Variants in EFCAB6 observed in about 807,000 individuals in gnomAD.
The protein encoded by EFCAB6 is EF-hand calcium-binding domain-containing protein 6.
EFCAB6 carries 156 observed loss-of-function variants against 169.8 expected under a neutral mutation model. That is an observed-to-expected ratio of 0.92 (90% CI 0.81 to 1.05). The LOEUF (loss-of-function observed/expected upper bound fraction) is 1.05, where lower values mean the gene tolerates loss of function less well. Ranked by LOEUF, EFCAB6 falls within the 50% of genes least tolerant of loss-of-function variation. EFCAB6 has a pLI of 0.00. For missense variants in EFCAB6, 1,800 were observed against 1,829.1 expected, an observed-to-expected ratio of 0.98 and a Z score of 0.29; for synonymous variants, 698 against 676.4, an observed-to-expected ratio of 1.03 and a Z score of -0.50.
chr22:43,618,206 GAAA>G (rs1569257273), intron 20 of EFCAB6, among the ~76,000 whole-genome samples: 1,616 of 142,076 alleles, frequency 0.011, 60 homozygotes, highest in Middle Eastern at 0.026. Context: ...AAGAAAGAAA[GAAA>G]GAAAGAAAGA....
At chr22:43,610,747 T>TA (rs1034803287) in intron 21 of EFCAB6, among the ~76,000 whole-genome samples, 3 of 152,070 alleles carry the variant, frequency 2.0e-5, no homozygotes, top group Non-Finnish European at 4.4e-5. Flanking sequence ...AATTATGCTT[T>TA]AAAAAAAATT....
chr22:43,602,188 A>G (rs1355049016), intron 22 of EFCAB6, among the ~76,000 whole-genome samples: 1 of 152,234 alleles, frequency 6.6e-6, no homozygotes, highest in Non-Finnish European at 1.5e-5. Flanking sequence ...TGCTGAGACC[A>G]TCAGCTCCTT....
At chr22:43,622,644 T>C (rs2147792424) in intron 20 of EFCAB6, among the ~76,000 whole-genome samples, 1 of 152,344 alleles carries the variant, frequency 6.6e-6, no homozygotes, top group East Asian at 1.9e-4. Context: ...TTATGTGGTC[T>C]TAGCGATGTT....
intron 4 of EFCAB6, among the ~76,000 whole-genome samples, chr22:43,767,814 T>C (rs1006484576): frequency 5.0e-5 from 2 of 39,776 alleles, no homozygotes; most frequent in African/African-American, 1.9e-4. Context: ...GTAAAGAAAT[T>C]CTTGCGATGA....
intron 2 of EFCAB6, among the ~76,000 whole-genome samples, chr22:43,788,180 T>A (rs116944938): frequency 6.6e-6 from 1 of 152,286 alleles, no homozygotes; most frequent in East Asian, 1.9e-4. Context: ...GACAATGATA[T>A]CTTAGATATG....
chr22:43,622,975 TA>T (rs2054209221), intron 20 of EFCAB6, among the ~76,000 whole-genome samples: 1 of 152,198 alleles, frequency 6.6e-6, no homozygotes, highest in South Asian at 2.1e-4. Context: ...ATTCCTTCTT[TA>T]TGCCCAAATG....
rs1318938210 is a variant in EFCAB6, at chr22:43,575,459, C to T, written c.3420+838G>A. 4.6e-5 allele frequency among the ~76,000 whole-genome samples: 7 copies of T among 150,606 alleles called. No homozygotes were observed. In the East Asian group the frequency reaches 1.4e-3, roughly 29 times the overall value. On this transcript the variant is annotated intron_variant, in intron 26 of 31. Coordinates refer to ENST00000262726, the MANE Select transcript of EFCAB6 (RefSeq NM_022785.4). ...CTGACCTCAGGTGATCTGCCCACCTCGGCCTCCCAAAGTGCTGGGATTACA... is the reference window on the plus strand; with the variant it reads ...CTGACCTCAGGTGATCTGCCCACCTTGGCCTCCCAAAGTGCTGGGATTACA...
chr22:43,731,735 T>C lies in EFCAB6; in HGVS notation c.721A>G (p.Asn241Asp). ...ATACAATATCTAAGGTTCAAGTCGTTATTTATGCTGAGATTCTTCAAAAAC... is the reference window on the plus strand; with the variant it reads ...ATACAATATCTAAGGTTCAAGTCGTCATTTATGCTGAGATTCTTCAAAAAC... ...NVFLKNLSINNDLNLRYCMGN... is the reference protein window; with the variant it reads ...NVFLKNLSINDDLNLRYCMGN... Residue 241 changes from asparagine to aspartate, a missense_variant, in exon 8 of 32, where the codon AAC (asparagine) becomes GAC (aspartate). Transcript: ENST00000262726. 2.5e-6 allele frequency: 4 copies of C among 1,602,722 alleles called. No homozygotes were observed. The highest frequency in any genetic ancestry group is 3.4e-6 in the Non-Finnish European group (4 of 1,176,084).
chr22:43,653,459 G>C (rs1459679796), intron 17 of EFCAB6, among the ~76,000 whole-genome samples: 1 of 152,182 alleles, frequency 6.6e-6, no homozygotes, highest in Non-Finnish European at 1.5e-5. Context: ...GTTTTTCCCA[G>C]CTAAAATATT....
intron 10 of EFCAB6, among the ~76,000 whole-genome samples, chr22:43,699,354 G>A (rs1272051267): frequency 6.6e-6 from 1 of 152,084 alleles, no homozygotes; most frequent in African/African-American, 2.4e-5. Flanking sequence ...ATCCCCTGAG[G>A]GCAACCCTGT....
intron 2 of EFCAB6, among the ~76,000 whole-genome samples, chr22:43,800,668 G>A (rs1300660853): frequency 6.6e-6 from 1 of 152,158 alleles, no homozygotes; most frequent in African/African-American, 2.4e-5. Flanking sequence ...TCTTGGAACT[G>A]AGAAATACAT....
chr22:43,725,943 A>T (rs1353249924), intron 8 of EFCAB6, among the ~76,000 whole-genome samples: 1 of 152,222 alleles, frequency 6.6e-6, no homozygotes, highest in Non-Finnish European at 1.5e-5. Flanking sequence ...TTTTACGATG[A>T]ATGCAGGATA....
At chr22:43,661,659 A>G (rs1270176946) in intron 17 of EFCAB6, among the ~76,000 whole-genome samples, 13 of 152,182 alleles carry the variant, frequency 8.5e-5, no homozygotes, top group Non-Finnish European at 1.8e-4. Context: ...TGGAAAGCAC[A>G]TGGCCTTCAT....
chr22:43,558,427 T>C (rs1347405641), intron 26 of EFCAB6, among the ~76,000 whole-genome samples: 1 of 152,166 alleles, frequency 6.6e-6, no homozygotes, highest in African/African-American at 2.4e-5. Flanking sequence ...TTTTTTGCGC[T>C]TTGCTTTATT....
At chr22:43,598,482 A>C (rs2052231551) in intron 23 of EFCAB6, among the ~76,000 whole-genome samples, 1 of 151,892 alleles carries the variant, frequency 6.6e-6, no homozygotes, top group African/African-American at 2.4e-5. Context: ...AGAAGGAATA[A>C]ATTTTAGTAT....
chr22:43,531,104 G>A (rs1377126745), intron 30 of EFCAB6, 140 bp from the exon 31 acceptor site: 3 of 1,149,098 alleles, frequency 2.6e-6, no homozygotes, highest in African/African-American at 1.5e-5. Flanking sequence ...CTGAATCGAG[G>A]AGGGAGCCTG....
In EFCAB6 at chr22:43,550,541, G is replaced by A. The variant is rs1185719227; in HGVS notation, c.3648+4328C>T. Among the ~76,000 whole-genome samples the A allele has an allele frequency of 5.3e-5, 8 of 151,944 alleles. 1 individual carries two copies. Among genetic ancestry groups the A allele is most frequent in the Admixed American group, 3.9e-4 (6 of 15,236 alleles). On this transcript the variant is annotated intron_variant, in intron 27 of 31. Coordinates refer to ENST00000262726, the MANE Select transcript of EFCAB6 (RefSeq NM_022785.4). ...ACAAACATTAGTTGGGCGTGGTAGC[G>A]GGCACCTGTAGTCCCAGTTACTCGA...
At chr22:43,699,439 T>C (rs764879205) in intron 10 of EFCAB6, among the ~76,000 whole-genome samples, 5 of 152,308 alleles carry the variant, frequency 3.3e-5, no homozygotes, top group African/African-American at 4.8e-5. Flanking sequence ...CCCCTGTTCG[T>C]ATCCCTGAGA....
chr22:43,657,953 G>A (rs2148123242), intron 17 of EFCAB6, among the ~76,000 whole-genome samples: 1 of 152,320 alleles, frequency 6.6e-6, no homozygotes, highest in East Asian at 1.9e-4. Context: ...CTAAGGCCAG[G>A]TGAGGTGGCT....
Sources: gnomAD v4.1 joint callset for allele counts (sites outside exome capture counted in the v4.1 genomes callset) on GRCh38, gnomAD v4.1.1 for gene constraint, MANE v1.5 for transcripts, NCBI Gene and HGNC (gene_info 2026-07-23, HGNC 2026-07-21) for gene names.